SLC12A7: variants seen among roughly 807,000 people sequenced by gnomAD.
SLC12A7 encodes solute carrier family 12 member 7.
A neutral mutation model predicts 120.6 loss-of-function variants in SLC12A7; 100 were observed. The ratio of observed to expected loss-of-function variants is 0.83; its 90% CI spans 0.71 to 0.98. The LOEUF (loss-of-function observed/expected upper bound fraction) is 0.98, where lower values mean the gene tolerates loss of function less well. Among genes scored for constraint, SLC12A7 ranks in the 50% least tolerant of loss-of-function variants. SLC12A7 has a pLI of 0.00. For missense variants in SLC12A7, 1,373 were observed against 1,548.1 expected (o/e 0.89, Z 1.90); for synonymous variants, 760 against 678.0 (o/e 1.12, Z -1.88).
At chr5:1,065,604 AG>A (rs35197407) in intron 17 of SLC12A7, 126 bp from the exon 18 acceptor site, 2 of 731,956 alleles carry the variant, frequency 2.7e-6, no homozygotes, top group African/African-American at 3.6e-5. Context: ...GAAGGCCCGA[AG>A]GCTCAACGGT....
At position 1,101,778 on chromosome 5, in the gene SLC12A7, GACCCCCCTCC is replaced by G. The variant is rs1293714702; in HGVS notation, c.125-7540_125-7531del. 4.1e-5 allele frequency among the ~76,000 whole-genome samples: 6 copies of G among 147,550 alleles called. No individual in the cohort carries two copies. In the East Asian group the frequency reaches 1.2e-3, roughly 29 times the overall value. On this transcript the variant is annotated intron_variant, in intron 1 of 23. Coordinates refer to ENST00000264930, the MANE Select transcript of SLC12A7 (RefSeq NM_006598.3). Reference sequence around the variant, plus strand: ...GGCACACAGTGGCCACCACTGCCCCGACCCCCCTCCACCCCCCGACACTAAGCAGCCTTGT... The same window carrying G: ...GGCACACAGTGGCCACCACTGCCCCGACCCCCCGACACTAAGCAGCCTTGT...
At chr5:1,138,364 T>C in the SLC12A7 span, among the ~76,000 whole-genome samples, 2 of 152,214 alleles carry the variant, frequency 1.3e-5, no homozygotes, top group Admixed American at 6.5e-5. Context: ...TACAGAGTGC[T>C]GATTGCTCCA....
At chr5:1,136,425 C>T in the SLC12A7 span, among the ~76,000 whole-genome samples, 2 of 131,428 alleles carry the variant, frequency 1.5e-5, no homozygotes, top group South Asian at 2.4e-4. Flanking sequence ...CGCAGGCACA[C>T]GTGTGCTCAG....
Position 1,060,991 on chromosome 5 carries a change from ACCTG to A in SLC12A7, c.2740-544_2740-541del, listed in dbSNP as rs1561034451. On this transcript the variant is annotated intron_variant, in intron 20 of 23. Coordinates refer to ENST00000264930, the MANE Select transcript of SLC12A7 (RefSeq NM_006598.3). The stretch of plus-strand genomic sequence containing the variant: ...GGGACTGCTGCGTCTCACCCACTGC[ACCTG>A]CCGTGCAGGATCCCTGAGTCTCACC... Among the ~76,000 whole-genome samples the A allele has an allele frequency of 3.8e-3, 567 of 149,486 alleles. 6 individuals carry two copies. Among genetic ancestry groups the A allele is most frequent in the African/African-American group, 0.013 (522 of 39,986 alleles).
rs1384056716 is a variant in SLC12A7 at position 1,050,925 on chromosome 5, T to C, written c.*1435A>G. The stretch of plus-strand genomic sequence containing the variant: ...CCGATTTGAACTTTGTTGATGGGGC[T>C]GATTCCCTTGGGAGACCATGCAAGC... On this transcript the variant is annotated 3_prime_UTR_variant, in exon 24 of 24. Coordinates refer to ENST00000264930, the MANE Select transcript of SLC12A7 (RefSeq NM_006598.3). 1.3e-5 allele frequency: 5 copies of C among 398,536 alleles called. No homozygotes were observed. In the Admixed American group the frequency reaches 1.3e-4, roughly 11 times the overall value. 24.7% of individuals were successfully genotyped at this position (398,536 alleles called of 1,614,324 possible).
chr5:1,139,526 A>G, the SLC12A7 span, among the ~76,000 whole-genome samples: 3 of 152,236 alleles, frequency 2.0e-5, no homozygotes, highest in Non-Finnish European at 4.4e-5. Flanking sequence ...CACAGCAGCA[A>G]TGGTGCCACA....
At chr5:1,134,997 G>T in the SLC12A7 span, among the ~76,000 whole-genome samples, 1 of 150,710 alleles carries the variant, frequency 6.6e-6, no homozygotes, top group Middle Eastern at 3.2e-3. Flanking sequence ...TATGGTGGCG[G>T]GGGCCTGTAA....
the SLC12A7 span, among the ~76,000 whole-genome samples, chr5:1,149,399 A>G: frequency 6.6e-6 from 1 of 151,978 alleles, no homozygotes; most frequent in Non-Finnish European, 1.5e-5. Context: ...CAACATGGCG[A>G]AACCGCATCT....
chr5:1,086,815 G>T, intron 6 of SLC12A7, 88 bp downstream of exon 6: 1 of 1,533,498 alleles, frequency 6.5e-7, no homozygotes, highest in Non-Finnish European at 8.9e-7. Flanking sequence ...TCAGTGTGCT[G>T]TGTGTGCCAC....
intron 20 of SLC12A7, among the ~76,000 whole-genome samples, chr5:1,063,322 G>A (rs1306630605): frequency 3.3e-5 from 5 of 152,206 alleles, no homozygotes; most frequent in African/African-American, 1.2e-4. Flanking sequence ...GAGCCCATCT[G>A]GGGAGAGCAC....
At chr5:1,105,631 C>T (rs1053508479) in intron 1 of SLC12A7, among the ~76,000 whole-genome samples, 3 of 152,244 alleles carry the variant, frequency 2.0e-5, no homozygotes, top group Admixed American at 6.5e-5. Flanking sequence ...TTTATCTGCA[C>T]AGAACAGGCC....
chr5:1,101,751 A>G (rs1341741808), intron 1 of SLC12A7, among the ~76,000 whole-genome samples: 1 of 152,058 alleles, frequency 6.6e-6, no homozygotes, highest in Non-Finnish European at 1.5e-5. Flanking sequence ...GATGCATGTC[A>G]TGGCACACAG....
intron 23 of SLC12A7, 99 bp downstream of exon 23, chr5:1,053,250 G>C: frequency 7.0e-7 from 1 of 1,426,324 alleles, no homozygotes; most frequent in South Asian, 1.4e-5. Flanking sequence ...GGAGAGGCGG[G>C]AAGCCAGCCT....
the SLC12A7 span, among the ~76,000 whole-genome samples, chr5:1,124,867 C>T: frequency 1.3e-5 from 2 of 152,138 alleles, no homozygotes; most frequent in African/African-American, 4.8e-5. Context: ...GCGAGGCGGC[C>T]GGCCAGACCT....
At chr5:1,101,582 T>C (rs890919235) in intron 1 of SLC12A7, among the ~76,000 whole-genome samples, 5 of 152,358 alleles carry the variant, frequency 3.3e-5, no homozygotes, top group African/African-American at 1.2e-4. Context: ...AGCCCTGGCC[T>C]GAAGAACTGG....
At chr5:1,090,675 C>T (rs1448881035) in intron 3 of SLC12A7, among the ~76,000 whole-genome samples, 8 of 152,324 alleles carry the variant, frequency 5.3e-5, no homozygotes, top group African/African-American at 1.4e-4. Flanking sequence ...CAGGCAGAGA[C>T]GCGGTCCACA....
intron 1 of SLC12A7, among the ~76,000 whole-genome samples, chr5:1,096,253 G>A (rs1741122022): frequency 1.3e-5 from 2 of 152,174 alleles, no homozygotes; most frequent in Non-Finnish European, 2.9e-5. Context: ...AGTGAAAGAC[G>A]GAGACCTGGG....
intron 6 of SLC12A7, 55 bp from the exon 7 acceptor site, chr5:1,085,528 C>T (rs918558300): frequency 2.4e-5 from 36 of 1,511,394 alleles, no homozygotes; most frequent in African/African-American, 4.1e-5. Flanking sequence ...CCCCAGTGCC[C>T]GTCCCTCCCG....
chr5:1,128,512 G>T, the SLC12A7 span, among the ~76,000 whole-genome samples: 2 of 152,212 alleles, frequency 1.3e-5, no homozygotes, highest in Non-Finnish European at 2.9e-5. Context: ...TTGATGGAAG[G>T]TTCTAGAATT....
Sources: gnomAD v4.1 joint callset for allele counts (sites outside exome capture counted in the v4.1 genomes callset) on GRCh38, gnomAD v4.1.1 for gene constraint, MANE v1.5 for transcripts, NCBI Gene and HGNC (gene_info 2026-07-23, HGNC 2026-07-21) for gene names.